Variants in ATP8A2 observed in about 807,000 individuals in gnomAD.
ATP8A2 encodes the protein phospholipid-transporting ATPase IB.
Under a neutral mutation model 165.6 loss-of-function variants are expected in ATP8A2, and 100 were observed. That is an observed-to-expected ratio of 0.60 (90% CI 0.51 to 0.71). The LOEUF (loss-of-function observed/expected upper bound fraction) is 0.71. Among genes scored for constraint, ATP8A2 ranks in the 30% least tolerant of loss-of-function variants. ATP8A2 has a pLI of 0.00. For synonymous variants in ATP8A2, 543 were observed against 548.8 expected, an observed-to-expected ratio of 0.99 and a Z score of 0.15; for missense variants, 1,227 against 1,479.5, an observed-to-expected ratio of 0.83 and a Z score of 2.80.
At chr13:25,715,707 C>A (rs186571021) in intron 25 of ATP8A2, among the ~76,000 whole-genome samples, 6 of 152,100 alleles carry the variant, frequency 3.9e-5, no homozygotes, top group Non-Finnish European at 7.4e-5. Flanking sequence ...CATCACTTGG[C>A]GGATAGTTAG....
At position 25,571,692 on chromosome 13, in the gene ATP8A2, G is replaced by T; in HGVS notation, c.1662G>T (p.Ala554=). 6.2e-7 allele frequency: 1 copy of T among 1,613,428 alleles called. No homozygotes were observed. The highest frequency in any genetic ancestry group is 8.5e-7 in the Non-Finnish European group (1 of 1,179,344). Residue 554 remains alanine, a splice_region_variant and synonymous_variant, in exon 18 of 37, where the codon GCG becomes GCT. Transcript: ENST00000381655. The part of the protein sequence containing the change: ...ARTPFSVIIE[A]MGQEQTFGIL... ...CACCATTCTCAGTCATCATAGAAGC[G>T]GTGAGTAACATGCGTGTGCACATTT...
intron 11 of ATP8A2, among the ~76,000 whole-genome samples, chr13:25,552,838 T>C (rs988581551): frequency 7.9e-5 from 12 of 152,114 alleles, no homozygotes; most frequent in Non-Finnish European, 1.6e-4. Flanking sequence ...GGCCAGCATA[T>C]GCCTGCTCCC....
chr13:25,705,240 A>G (rs2043032603), intron 25 of ATP8A2: 2 of 385,438 alleles, frequency 5.2e-6, no homozygotes, highest in Admixed American at 3.7e-5. Context: ...TCTTGAGAAC[A>G]CTCAGAAATC....
At chr13:25,925,169 CCT>C (rs1954563503) in intron 33 of ATP8A2, among the ~76,000 whole-genome samples, 1 of 151,816 alleles carries the variant, frequency 6.6e-6, no homozygotes, top group East Asian at 1.9e-4. Flanking sequence ...TGAAAAAAAT[CCT>C]CTCTCAGCTG....
intron 27 of ATP8A2, among the ~76,000 whole-genome samples, chr13:25,778,382 A>G (rs755273429): frequency 4.6e-5 from 7 of 152,158 alleles, no homozygotes; most frequent in African/African-American, 1.7e-4. Context: ...CAAAATAACT[A>G]TTGGTTTGAG....
intron 24 of ATP8A2, among the ~76,000 whole-genome samples, chr13:25,642,597 G>C (rs1156807519): frequency 6.6e-6 from 1 of 152,150 alleles, no homozygotes; most frequent in Non-Finnish European, 1.5e-5. Context: ...GAAACAACAG[G>C]TGCTGGACAG....
intron 35 of ATP8A2, among the ~76,000 whole-genome samples, chr13:26,006,994 A>C (rs1002171268): frequency 7.3e-5 from 11 of 151,082 alleles, no homozygotes; most frequent in Non-Finnish European, 5.9e-5. Flanking sequence ...CTCTCTTTAA[A>C]AAAAAAAAAG....
chr13:25,430,717 C>T (rs1463915086), intron 1 of ATP8A2, among the ~76,000 whole-genome samples: 1 of 152,142 alleles, frequency 6.6e-6, no homozygotes, highest in Non-Finnish European at 1.5e-5. Context: ...CCTACCTCAG[C>T]CTCCTGAGTA....
At chr13:25,658,773 G>A (rs974835700) in intron 24 of ATP8A2, among the ~76,000 whole-genome samples, 6 of 152,156 alleles carry the variant, frequency 3.9e-5, no homozygotes, top group Admixed American at 2.0e-4. Context: ...ATACTTCTCT[G>A]AACTTTCCCC....
intron 1 of ATP8A2, among the ~76,000 whole-genome samples, chr13:25,452,931 C>T (rs1178201240): frequency 6.6e-6 from 1 of 151,430 alleles, no homozygotes; most frequent in Non-Finnish European, 1.5e-5. Context: ...CTTGTCTCTA[C>T]TAAAAATACA....
At chr13:26,018,869 G>T (rs1593724998) in intron 36 of ATP8A2, among the ~76,000 whole-genome samples, 1 of 152,270 alleles carries the variant, frequency 6.6e-6, no homozygotes, top group East Asian at 1.9e-4. Flanking sequence ...GTTTCTGGGA[G>T]GATTAAATGA....
chr13:25,478,580 T>G (rs1251985661), intron 2 of ATP8A2, among the ~76,000 whole-genome samples: 2 of 152,216 alleles, frequency 1.3e-5, no homozygotes, highest in East Asian at 3.8e-4. Flanking sequence ...TCTTCAAAAC[T>G]GAAATCATAG....
chr13:25,651,325 C>G (rs960944709), intron 24 of ATP8A2, among the ~76,000 whole-genome samples: 1 of 152,020 alleles, frequency 6.6e-6, no homozygotes, highest in African/African-American at 2.4e-5. Context: ...TGCTTGTAGT[C>G]CCAGCTACTC....
At chr13:25,821,358 C>T (rs755342882) in intron 27 of ATP8A2, among the ~76,000 whole-genome samples, 3 of 152,166 alleles carry the variant, frequency 2.0e-5, no homozygotes, top group Admixed American at 6.5e-5. Flanking sequence ...CGTATGTTTT[C>T]AACAGCTTGC....
chr13:26,012,729 A>C (rs1357153233), intron 36 of ATP8A2, 107 bp downstream of exon 36: 57 of 9,006 alleles, frequency 6.3e-3, no homozygotes, highest in African/African-American at 0.025. Flanking sequence ...GTGAGTGCTG[A>C]CGGGGGGTGG....
At chr13:25,779,784 T>A (rs1054640291) in intron 27 of ATP8A2, among the ~76,000 whole-genome samples, 19 of 152,224 alleles carry the variant, frequency 1.2e-4, no homozygotes, top group Non-Finnish European at 2.5e-4. Flanking sequence ...AACTCTTTGA[T>A]GTTGACAATG....
intron 26 of ATP8A2, among the ~76,000 whole-genome samples, chr13:25,771,703 C>T (rs144486124): frequency 1.2e-3 from 177 of 152,306 alleles, no homozygotes; most frequent in African/African-American, 4.1e-3. Context: ...CCACATGTTT[C>T]TGTGCACCCT....
At chr13:25,835,229 C>G (rs1951575110) in intron 28 of ATP8A2, among the ~76,000 whole-genome samples, 1 of 152,150 alleles carries the variant, frequency 6.6e-6, no homozygotes, top group Non-Finnish European at 1.5e-5. Context: ...CTCCTGGCTT[C>G]TGGTAGAAGC....
intron 35 of ATP8A2, among the ~76,000 whole-genome samples, chr13:25,981,599 G>T (rs928866790): frequency 4.1e-4 from 63 of 152,036 alleles, no homozygotes; most frequent in Non-Finnish European, 5.1e-4. Context: ...AATATATTAA[G>T]ATTTTATATG....
Sources: allele counts gnomAD v4.1 joint callset (sites outside exome capture counted in the v4.1 genomes callset), GRCh38; gene constraint gnomAD v4.1.1; transcripts MANE v1.5; gene names NCBI Gene and HGNC (gene_info 2026-07-23, HGNC 2026-07-21).